Variants in TACR3 observed in about 807,000 individuals in gnomAD.
The protein encoded by TACR3 is neuromedin-K receptor.
A neutral mutation model predicts 35.0 loss-of-function variants in TACR3; 34 were observed. The ratio of observed to expected loss-of-function variants is 0.97; its 90% confidence interval spans 0.74 to 1.30. The LOEUF is 1.30. TACR3 is among the 50% of genes most tolerant of loss of function. TACR3 has a pLI of 0.00. For synonymous variants in TACR3, 233 were observed against 221.1 expected (o/e 1.05, Z -0.48); for missense variants, 558 against 591.7 (o/e 0.94, Z 0.59).
At chr4:103,702,510 A>G (rs1218545324) in intron 1 of TACR3, among the ~76,000 whole-genome samples, 1 of 152,202 alleles carries the variant, frequency 6.6e-6, no homozygotes, top group East Asian at 1.9e-4. Context: ...TCAGGGATCT[A>G]GAACTAGAAA....
At chr4:103,637,831 T>A (rs1333773103) in intron 3 of TACR3, among the ~76,000 whole-genome samples, 22 of 152,044 alleles carry the variant, frequency 1.4e-4, no homozygotes, top group African/African-American at 3.4e-4. Context: ...GTGAACTCCC[T>A]TTCACAATTG....
chr4:103,697,146 G>A (rs1722538003), intron 1 of TACR3, among the ~76,000 whole-genome samples: 1 of 152,122 alleles, frequency 6.6e-6, no homozygotes, highest in South Asian at 2.1e-4. Context: ...ATACAACTAT[G>A]TGCTTTTCTG....
In TACR3 at chr4:103,719,434, G is replaced by C. The variant is rs1482997537; in HGVS notation, c.242C>G (p.Pro81Arg). ...WANLTNQFVQ[P>R]SWRIALWSLA... Reference sequence around the variant, plus strand: ...GGACCAGAGCGCGATGCGCCAGGACGGCTGCACGAACTGGTTGGTGAGGTT... The same window carrying C: ...GGACCAGAGCGCGATGCGCCAGGACCGCTGCACGAACTGGTTGGTGAGGTT... The change falls in exon 1 of 5, where the codon CCG becomes CGG. Residue 81 changes from proline to arginine, a missense_variant. Pro to Arg is a moderately radical substitution (Grantham distance 103, BLOSUM62 -2). Transcript: ENST00000304883. The C allele has an allele frequency of 1.2e-6, 2 of 1,614,246 alleles. No individual in the cohort carries two copies. The highest frequency in any genetic ancestry group is 2.2e-5 in the East Asian group (1 of 44,886).
At chr4:103,612,941 G>A (rs879264014) in intron 3 of TACR3, among the ~76,000 whole-genome samples, 1 of 152,114 alleles carries the variant, frequency 6.6e-6, no homozygotes, top group Non-Finnish European at 1.5e-5. Flanking sequence ...TGAAAGATTG[G>A]TATTCTCATA....
chr4:103,688,523 A>G (rs1348217944), intron 1 of TACR3, among the ~76,000 whole-genome samples: 5 of 150,988 alleles, frequency 3.3e-5, no homozygotes, highest in African/African-American at 1.2e-4. Context: ...AATATCCAGA[A>G]TCTACAATGA....
intron 3 of TACR3, among the ~76,000 whole-genome samples, chr4:103,649,449 AGATTT>A (rs1725533884): frequency 6.6e-6 from 1 of 151,982 alleles, no homozygotes; most frequent in Admixed American, 6.6e-5. Flanking sequence ...TAATCCATTT[AGATTT>A]GATTTTTGTA....
chr4:103,611,244 C>T (rs1724505156), intron 3 of TACR3, among the ~76,000 whole-genome samples: 1 of 152,050 alleles, frequency 6.6e-6, no homozygotes, highest in Non-Finnish European at 1.5e-5. Flanking sequence ...TTAATTCTTC[C>T]AGTCCAAGAA....
chr4:103,623,339 T>A (rs573142393), intron 3 of TACR3, among the ~76,000 whole-genome samples: 82 of 152,300 alleles, frequency 5.4e-4, no homozygotes, highest in Non-Finnish European at 1.0e-3. Context: ...ATCTGATTTA[T>A]GCTGCTAAAT....
intron 2 of TACR3, among the ~76,000 whole-genome samples, chr4:103,656,946 A>AAAAACAAAACAAAACAAAAC (rs143039935): frequency 2.5e-4 from 37 of 150,860 alleles, no homozygotes; most frequent in African/African-American, 9.1e-4. Context: ...TTAACTTGGT[A>AAAAACAAAACAAAACAAAAC]AAAACAAAAC....
chr4:103,689,030 A>C (rs1417804117), intron 1 of TACR3, among the ~76,000 whole-genome samples: 3 of 152,102 alleles, frequency 2.0e-5, no homozygotes, highest in Non-Finnish European at 4.4e-5. Flanking sequence ...CTGGATTAAG[A>C]AAATGTGGCA....
At chr4:103,708,532 T>G (rs926323185) in intron 1 of TACR3, among the ~76,000 whole-genome samples, 2 of 151,896 alleles carry the variant, frequency 1.3e-5, no homozygotes, top group African/African-American at 4.8e-5. Flanking sequence ...AGAGCAAAGG[T>G]AGATAAAACC....
chr4:103,609,318 T>G (rs1724461936), intron 3 of TACR3, among the ~76,000 whole-genome samples: 1 of 152,154 alleles, frequency 6.6e-6, no homozygotes. Flanking sequence ...ATTTACACCC[T>G]AAAGCAAATA....
intron 3 of TACR3, among the ~76,000 whole-genome samples, chr4:103,610,296 C>G (rs772329539): frequency 4.3e-4 from 66 of 151,750 alleles, no homozygotes; most frequent in Non-Finnish European, 8.3e-4. Context: ...TATTTTTTGT[C>G]TTTTTCATAA....
intron 3 of TACR3, among the ~76,000 whole-genome samples, chr4:103,614,503 G>A (rs1724587725): frequency 1.3e-5 from 2 of 152,152 alleles, no homozygotes; most frequent in Non-Finnish European, 2.9e-5. Flanking sequence ...TCATGGAATG[G>A]TTACAGTCAA....
intron 3 of TACR3, among the ~76,000 whole-genome samples, chr4:103,633,000 A>G (rs1725100992): frequency 2.0e-5 from 3 of 152,004 alleles, no homozygotes; most frequent in Non-Finnish European, 1.5e-5. Flanking sequence ...AAAAGATTAA[A>G]AAGTGTTAGT....
chr4:103,637,792 T>C (rs1017845893), intron 3 of TACR3, among the ~76,000 whole-genome samples: 8 of 151,926 alleles, frequency 5.3e-5, no homozygotes, highest in Non-Finnish European at 8.8e-5. Flanking sequence ...TATACACCAA[T>C]AACAGACAAA....
chr4:103,643,533 G>A (rs1725401134), intron 3 of TACR3, among the ~76,000 whole-genome samples: 1 of 151,602 alleles, frequency 6.6e-6, no homozygotes, highest in African/African-American at 2.4e-5. Flanking sequence ...GCATTCTGTA[G>A]GAATGAACTC....
chr4:103,711,918 C>T (rs1322611738), intron 1 of TACR3, among the ~76,000 whole-genome samples: 1 of 152,116 alleles, frequency 6.6e-6, no homozygotes, highest in African/African-American at 2.4e-5. Flanking sequence ...AATAAAATAC[C>T]TAGGAATCCA....
At chr4:103,707,580 C>T (rs985208046) in intron 1 of TACR3, among the ~76,000 whole-genome samples, 1 of 152,110 alleles carries the variant, frequency 6.6e-6, no homozygotes, top group African/African-American at 2.4e-5. Context: ...GTGAGCGACG[C>T]AGAAGATGGG....
Sources: allele counts gnomAD v4.1 joint callset (sites outside exome capture counted in the v4.1 genomes callset), GRCh38; gene constraint gnomAD v4.1.1; transcripts MANE v1.5; gene names NCBI Gene and HGNC (gene_info 2026-07-23, HGNC 2026-07-21).